The following PRKCH variants were observed in gnomAD, a reference collection of about 807,000 sequenced individuals.
PRKCH encodes the protein protein kinase C eta type.
A neutral mutation model predicts 82.5 loss-of-function variants in PRKCH; 28 were observed. The observed-to-expected ratio is 0.34, with a 90% CI of 0.25 to 0.47. PRKCH has a LOEUF of 0.47. Among genes scored for constraint, PRKCH ranks in the 20% least tolerant of loss-of-function variants. The probability of loss-of-function intolerance (pLI) is 1.00; values close to 1 mark genes in which losing one functional copy is unlikely to be tolerated. For missense variants in PRKCH, 705 were observed against 881.8 expected (o/e 0.80, Z 2.54); for synonymous variants, 322 against 327.4 (o/e 0.98, Z 0.18).
chr14:61,265,782 G>A (rs2045094502), intron 1 of PRKCH, among the ~76,000 whole-genome samples: 1 of 152,112 alleles, frequency 6.6e-6, no homozygotes, highest in African/African-American at 2.4e-5. Context: ...AGGAGAATAA[G>A]ATCTAGGGAG....
intron 1 of PRKCH, among the ~76,000 whole-genome samples, chr14:61,359,566 T>C (rs1371788283): frequency 1.3e-5 from 2 of 152,220 alleles, no homozygotes; most frequent in African/African-American, 2.4e-5. Context: ...TGGAACTATT[T>C]TCCATCGATC....
intron 1 of PRKCH, among the ~76,000 whole-genome samples, chr14:61,211,256 G>A (rs938895925): frequency 6.6e-6 from 1 of 152,238 alleles, no homozygotes; most frequent in Admixed American, 6.5e-5. Context: ...TGTGAGGTAA[G>A]CTAGAAGAAC....
At chr14:61,544,348 CTT>C (rs1314732631) in intron 12 of PRKCH, 2 of 152,186 alleles carry the variant, frequency 1.3e-5, no homozygotes, top group African/African-American at 4.8e-5. Context: ...GAAAACCTGA[CTT>C]TTCATGTGAT....
In PRKCH at chr14:61,280,187, A is replaced by G; in HGVS notation, c.-19+92519A>G. The G allele has an allele frequency of 6.2e-7, 1 of 1,614,144 alleles. No homozygotes were observed. The highest frequency in any genetic ancestry group is 8.5e-7 in the Non-Finnish European group (1 of 1,180,010). ...ATGCAGAGGGAGCCGACGACCAGGT[A>G]GGCGATGCCCAGGAAGGGGTTCTTG... On this transcript the variant is annotated intron_variant, in intron 1 of 3. Transcript: ENST00000555185. This position sits in a 1 kb window ranked among gnomAD's most constrained non-coding sequence, Gnocchi z 5.0.
chr14:61,544,411 A>G (rs78076915), intron 12 of PRKCH: 2 of 152,220 alleles, frequency 1.3e-5, no homozygotes, highest in Non-Finnish European at 2.9e-5. Context: ...AATTATTTCA[A>G]AACACACTAG....
chr14:61,542,284 C>G (rs781546593), intron 12 of PRKCH, among the ~76,000 whole-genome samples: 20 of 150,344 alleles, frequency 1.3e-4, no homozygotes, highest in Non-Finnish European at 2.8e-4. Context: ...AAGAGCGAGA[C>G]TCCATATCAA....
intron 10 of PRKCH, among the ~76,000 whole-genome samples, chr14:61,509,705 T>C (rs941349659): frequency 6.6e-6 from 1 of 151,998 alleles, no homozygotes; most frequent in Non-Finnish European, 1.5e-5. Flanking sequence ...GCCAACATGG[T>C]GAGATTCTGT....
chr14:61,511,040 T>C (rs553733138), intron 10 of PRKCH, among the ~76,000 whole-genome samples: 1 of 152,110 alleles, frequency 6.6e-6, no homozygotes, highest in African/African-American at 2.4e-5. Context: ...GAGACTTAGG[T>C]AGGATTTAAG....
intron 1 of PRKCH, among the ~76,000 whole-genome samples, chr14:61,362,757 T>C (rs1163174245): frequency 6.6e-6 from 1 of 152,234 alleles, no homozygotes; most frequent in Non-Finnish European, 1.5e-5. Flanking sequence ...AATGTGTCGA[T>C]GACCCTCTTT....
At chr14:61,289,889 G>A (rs1197015611) in intron 1 of PRKCH, among the ~76,000 whole-genome samples, 3 of 152,202 alleles carry the variant, frequency 2.0e-5, no homozygotes, top group South Asian at 2.1e-4. Flanking sequence ...AGTCTGCAGG[G>A]CTGCCTCAGG....
intron 1 of PRKCH, among the ~76,000 whole-genome samples, chr14:61,225,740 A>T (rs961502074): frequency 9.7e-5 from 12 of 123,194 alleles, no homozygotes; most frequent in Non-Finnish European, 1.6e-4. Context: ...TGGAAGATAT[A>T]CTTTTTTTTT....
At chr14:61,522,326 T>C (rs765792836) in intron 10 of PRKCH, among the ~76,000 whole-genome samples, 9 of 152,124 alleles carry the variant, frequency 5.9e-5, no homozygotes, top group Non-Finnish European at 1.0e-4. Context: ...TCCTGTAAAA[T>C]CGAAAATCTA....
At chr14:61,214,531 G>C (rs900942647) in intron 1 of PRKCH, among the ~76,000 whole-genome samples, 1 of 152,050 alleles carries the variant, frequency 6.6e-6, no homozygotes. Flanking sequence ...CCATAGACTA[G>C]GTGACTTAAA....
At chr14:61,200,756 T>A (rs1157570235) in intron 1 of PRKCH, among the ~76,000 whole-genome samples, 8 of 129,920 alleles carry the variant, frequency 6.2e-5, no homozygotes, top group Non-Finnish European at 1.1e-4. Flanking sequence ...TTCATTACAA[T>A]ATATTGTTAA....
chr14:61,407,621 C>T (rs938008019), intron 2 of PRKCH, among the ~76,000 whole-genome samples: 1 of 152,142 alleles, frequency 6.6e-6, no homozygotes, highest in Non-Finnish European at 1.5e-5. Flanking sequence ...TGTCTGGGAG[C>T]TGTCACTTTT....
At chr14:61,504,161 C>G (rs997842845) in intron 10 of PRKCH, among the ~76,000 whole-genome samples, 5 of 150,282 alleles carry the variant, frequency 3.3e-5, no homozygotes, top group African/African-American at 1.2e-4. Context: ...CCTTCATGAC[C>G]CATTTTACTC....
intron 1 of PRKCH, among the ~76,000 whole-genome samples, chr14:61,288,527 G>A (rs764524328): frequency 6.6e-5 from 10 of 152,168 alleles, no homozygotes; most frequent in Admixed American, 3.9e-4. Context: ...TCTGGAGATC[G>A]TATACCCATG....
intron 1 of PRKCH, chr14:61,304,025 A>T (rs901070465): frequency 6.6e-6 from 1 of 152,070 alleles, no homozygotes; most frequent in African/African-American, 2.4e-5. Context: ...TAATTAATTT[A>T]AGTTTAAATT....
At chr14:61,425,234 G>A (rs1346576415) in intron 2 of PRKCH, among the ~76,000 whole-genome samples, 1 of 152,202 alleles carries the variant, frequency 6.6e-6, no homozygotes, top group Non-Finnish European at 1.5e-5. Context: ...CCAGACCCCA[G>A]CAGATGGTAA....
Sources: gnomAD v4.1 joint callset for allele counts (sites outside exome capture counted in the v4.1 genomes callset) on GRCh38, gnomAD v4.1.1 for gene constraint, Gnocchi (gnomAD v3.1) non-coding constraint, MANE v1.5 for transcripts, NCBI Gene and HGNC (gene_info 2026-07-23, HGNC 2026-07-21) for gene names.